Variants in FBXW7 observed in about 807,000 individuals in gnomAD.
FBXW7 encodes F-box and WD repeat domain containing 7, also known as F-box/WD repeat-containing protein 7.
Under a neutral mutation model 86.3 loss-of-function variants are expected in FBXW7, and 11 were observed. The ratio of observed to expected loss-of-function variants is 0.13; its 90% CI spans 0.08 to 0.21. The LOEUF (loss-of-function observed/expected upper bound fraction) is 0.21, where lower values mean the gene tolerates loss of function less well. FBXW7 is among the 10% of genes least tolerant of loss of function. FBXW7 has a pLI of 1.00. For synonymous variants in FBXW7, 313 were observed against 297.9 expected (o/e 1.05, Z -0.52); for missense variants, 488 against 847.4 (o/e 0.58, Z 5.27).
rs113102675 is a variant in FBXW7, at chr4:152,426,429, A to T, written c.-119-13900T>A. On this transcript the variant is annotated intron_variant, in intron 2 of 13. Coordinates refer to ENST00000281708, the MANE Select transcript of FBXW7 (RefSeq NM_001349798.2). ...CAGTGGCACAATCTCGACTCACTGT[A>T]GCCTCCGCCTCCCGGGTTCAAGCGA... 5.7e-3 allele frequency among the ~76,000 whole-genome samples: 853 copies of T among 150,792 alleles called. 12 individuals carry two copies. The highest frequency in any genetic ancestry group is 0.02 in the African/African-American group (822 of 40,894).
At chr4:152,327,817 T>C (rs946258759) in intron 11 of FBXW7, among the ~76,000 whole-genome samples, 2 of 151,808 alleles carry the variant, frequency 1.3e-5, no homozygotes, top group African/African-American at 4.8e-5. Flanking sequence ...GTAAGGTGGG[T>C]AGGTAATTTA....
chr4:152,339,610 C>T (rs568280559), intron 6 of FBXW7, among the ~76,000 whole-genome samples: 1 of 152,182 alleles, frequency 6.6e-6, no homozygotes, highest in South Asian at 2.1e-4. Context: ...CAAGGACATG[C>T]TCATTTGGAG....
At chr4:152,443,958 C>T (rs1422460335) in intron 2 of FBXW7, among the ~76,000 whole-genome samples, 1 of 152,106 alleles carries the variant, frequency 6.6e-6, no homozygotes, top group Non-Finnish European at 1.5e-5. Context: ...TCCATAATAT[C>T]ATCATCCAGA....
chr4:152,461,881 CA>C (rs751461023), intron 2 of FBXW7, among the ~76,000 whole-genome samples: 16 of 152,120 alleles, frequency 1.1e-4, no homozygotes, highest in Non-Finnish European at 1.5e-4. Context: ...CAACTTGAAG[CA>C]AAACACAAAC....
intron 9 of FBXW7, among the ~76,000 whole-genome samples, chr4:152,330,178 T>G (rs1277692342): frequency 6.6e-6 from 1 of 151,828 alleles, no homozygotes; most frequent in Non-Finnish European, 1.5e-5. Context: ...TTAGCATTCT[T>G]AAAACAAAAA....
At chr4:152,364,803 C>G (rs1232524360) in intron 4 of FBXW7, among the ~76,000 whole-genome samples, 1 of 152,082 alleles carries the variant, frequency 6.6e-6, no homozygotes, top group Non-Finnish European at 1.5e-5. Flanking sequence ...ATATGTATCT[C>G]TGTGATTCTA....
At chr4:152,506,919 T>C (rs541195782) in intron 2 of FBXW7, among the ~76,000 whole-genome samples, 1 of 152,226 alleles carries the variant, frequency 6.6e-6, no homozygotes, top group East Asian at 1.9e-4. Context: ...TGCACACTGA[T>C]TGTGTAATGC....
chr4:152,366,652 G>C (rs1733510084), intron 4 of FBXW7, among the ~76,000 whole-genome samples: 1 of 152,132 alleles, frequency 6.6e-6, no homozygotes, highest in Admixed American at 6.6e-5. Context: ...AGACGATGTG[G>C]AGAAGAAATA....
intron 4 of FBXW7, among the ~76,000 whole-genome samples, chr4:152,366,972 T>C (rs1733545397): frequency 6.6e-6 from 1 of 152,176 alleles, no homozygotes; most frequent in Non-Finnish European, 1.5e-5. Flanking sequence ...TCATGTCCTT[T>C]GTAGGGACAT....
At chr4:152,435,501 A>C (rs1740303417) in intron 2 of FBXW7, among the ~76,000 whole-genome samples, 1 of 152,082 alleles carries the variant, frequency 6.6e-6, no homozygotes, top group South Asian at 2.1e-4. Flanking sequence ...AACCTTTCTC[A>C]ATCTTTCTAC....
At chr4:152,414,732 G>A (rs932733475) in intron 2 of FBXW7, among the ~76,000 whole-genome samples, 2 of 152,158 alleles carry the variant, frequency 1.3e-5, no homozygotes, top group Non-Finnish European at 2.9e-5. Context: ...TTCTGGCAGT[G>A]TCTTTCAAGG....
At chr4:152,454,678 T>G (rs1742246798) in intron 2 of FBXW7, among the ~76,000 whole-genome samples, 1 of 152,116 alleles carries the variant, frequency 6.6e-6, no homozygotes, top group African/African-American at 2.4e-5. Context: ...GACTTTCAAC[T>G]TGGCAACAGC....
In FBXW7 at chr4:152,389,166, TG is replaced by T. The variant is rs767401744; in HGVS notation, c.501+22136del. 9.2e-5 allele frequency among the ~76,000 whole-genome samples: 14 copies of T among 152,086 alleles called. No individual in the cohort carries two copies. In the East Asian group the frequency reaches 2.7e-3, roughly 29 times the overall value. On this transcript the variant is annotated intron_variant, in intron 4 of 13. Coordinates refer to ENST00000281708, the MANE Select transcript of FBXW7 (RefSeq NM_001349798.2). ...TGGCGAGGATGTGGAGAAAAAGAAA[TG>T]CTTATACGGTGTTGGTGGGAATGCA...
intron 2 of FBXW7, among the ~76,000 whole-genome samples, chr4:152,528,743 G>A (rs1331869061): frequency 6.6e-6 from 1 of 152,094 alleles, no homozygotes; most frequent in Non-Finnish European, 1.5e-5. Flanking sequence ...TACTGTGAAA[G>A]GTATCATGAG....
chr4:152,458,849 T>C (rs538174306), intron 2 of FBXW7, among the ~76,000 whole-genome samples: 2 of 152,322 alleles, frequency 1.3e-5, no homozygotes, highest in African/African-American at 4.8e-5. Flanking sequence ...CAAACCCAGC[T>C]ATGTTCAGCT....
At chr4:152,336,254 A>G (rs1730091198) in intron 7 of FBXW7, among the ~76,000 whole-genome samples, 1 of 152,088 alleles carries the variant, frequency 6.6e-6, no homozygotes, top group Admixed American at 6.5e-5. Flanking sequence ...TTAAAAGAAC[A>G]CTTAAACTGA....
chr4:152,484,824 T>C (rs775380546), intron 2 of FBXW7, among the ~76,000 whole-genome samples: 1 of 152,082 alleles, frequency 6.6e-6, no homozygotes, highest in Non-Finnish European at 1.5e-5. Flanking sequence ...TAACCAGCCA[T>C]GGTGGCAAGC....
intron 4 of FBXW7, among the ~76,000 whole-genome samples, chr4:152,410,227 G>GA (rs1209511045): frequency 6.6e-6 from 1 of 151,876 alleles, no homozygotes; most frequent in African/African-American, 2.4e-5. Context: ...GAACCCTCAG[G>GA]AAAAAAAGAG....
intron 6 of FBXW7, among the ~76,000 whole-genome samples, chr4:152,345,679 A>G (rs1731198354): frequency 1.3e-5 from 2 of 152,320 alleles, no homozygotes; most frequent in South Asian, 4.1e-4. Flanking sequence ...AGGTTATCCT[A>G]GTTTTGCAGA....
Sources: gnomAD v4.1 joint callset for allele counts (sites outside exome capture counted in the v4.1 genomes callset) on GRCh38, gnomAD v4.1.1 for gene constraint, MANE v1.5 for transcripts, NCBI Gene and HGNC (gene_info 2026-07-23, HGNC 2026-07-21) for gene names.